The following DSCAM variants were observed in gnomAD, a reference collection of about 807,000 sequenced individuals.
DSCAM encodes DS cell adhesion molecule.
DSCAM carries 47 observed loss-of-function variants against 217.7 expected under a neutral mutation model. The observed-to-expected ratio is 0.22, with a 90% CI of 0.17 to 0.28. The LOEUF is 0.28. DSCAM is among the 10% of genes least tolerant of loss of function. DSCAM has a pLI of 1.00. For missense variants in DSCAM, 2,080 were observed against 2,618.3 expected (o/e 0.79, Z 4.49); for synonymous variants, 1,056 against 1,015.3 (o/e 1.04, Z -0.76).
At chr21:40,025,391 G>A (rs1211514884) in intron 32 of DSCAM, among the ~76,000 whole-genome samples, 3 of 143,838 alleles carry the variant, frequency 2.1e-5, no homozygotes, top group Non-Finnish European at 4.5e-5. Flanking sequence ...CTCATAAAAT[G>A]AGTTAGGGAG....
chr21:40,553,303 C>T (rs911977687), intron 3 of DSCAM, among the ~76,000 whole-genome samples: 3 of 152,248 alleles, frequency 2.0e-5, no homozygotes, highest in African/African-American at 7.2e-5. Context: ...TATGTAGTAT[C>T]TGAGGATCAA....
intron 8 of DSCAM, among the ~76,000 whole-genome samples, chr21:40,317,216 C>T (rs918847506): frequency 2.0e-5 from 3 of 152,178 alleles, no homozygotes; most frequent in Non-Finnish European, 4.4e-5. Flanking sequence ...GATCTCCTCA[C>T]CCATAAGTCT....
In DSCAM at chr21:40,027,190, T is replaced by C. The variant is rs1469073191; in HGVS notation, c.5687-13804A>G. 5.2e-5 allele frequency among the ~76,000 whole-genome samples: 8 copies of C among 152,424 alleles called. No individual in the cohort carries two copies. In the East Asian group the frequency reaches 1.2e-3, roughly 22 times the overall value. ...GGTTGAAAATTCTTTTCTTTAAGAATGTTGAATATTGGCCCCCACTCTCTT... is the reference window on the plus strand; with the variant it reads ...GGTTGAAAATTCTTTTCTTTAAGAACGTTGAATATTGGCCCCCACTCTCTT... On this transcript the variant is annotated intron_variant, in intron 32 of 32. Coordinates refer to ENST00000400454, the MANE Select transcript of DSCAM (RefSeq NM_001389.5).
intron 20 of DSCAM, among the ~76,000 whole-genome samples, chr21:40,097,802 G>T (rs112931946): frequency 8.6e-5 from 13 of 151,764 alleles, no homozygotes; most frequent in African/African-American, 3.1e-4. Flanking sequence ...TTAGCCGGGC[G>T]TAGTGGTGGG....
intron 3 of DSCAM, among the ~76,000 whole-genome samples, chr21:40,598,962 A>G (rs1314833578): frequency 4.6e-5 from 7 of 152,302 alleles, no homozygotes; most frequent in Middle Eastern, 6.8e-3. Flanking sequence ...AATGCTGATC[A>G]TCTTTTCATA....
intron 3 of DSCAM, among the ~76,000 whole-genome samples, chr21:40,432,910 C>G (rs1047590186): frequency 2.6e-5 from 4 of 152,150 alleles, no homozygotes; most frequent in Non-Finnish European, 5.9e-5. Flanking sequence ...AACCTACTCT[C>G]TTAACCAGGT....
chr21:40,596,419 C>T (rs189165294), intron 3 of DSCAM, among the ~76,000 whole-genome samples: 1 of 152,220 alleles, frequency 6.6e-6, no homozygotes, highest in East Asian at 1.9e-4. Flanking sequence ...GACTCAGAGG[C>T]CCTCAATGGC....
chr21:40,509,740 G>A (rs1168744577), intron 3 of DSCAM, among the ~76,000 whole-genome samples: 1 of 152,194 alleles, frequency 6.6e-6, no homozygotes, highest in Non-Finnish European at 1.5e-5. Context: ...ATCCTACTCT[G>A]TGAAGTTATA....
intron 3 of DSCAM, among the ~76,000 whole-genome samples, chr21:40,674,163 G>C (rs741910): frequency 0.47 from 71,754 of 151,886 alleles, 17,348 homozygotes; most frequent in East Asian, 0.59. Context: ...TTTGAGAAAT[G>C]TTGGTCAAAA....
intron 3 of DSCAM, among the ~76,000 whole-genome samples, chr21:40,376,432 CTA>C (rs1569092653): frequency 7.3e-6 from 1 of 136,252 alleles, no homozygotes; most frequent in Non-Finnish European, 1.6e-5. Context: ...ATATAGATAT[CTA>C]TATATCTTAT....
intron 19 of DSCAM, among the ~76,000 whole-genome samples, chr21:40,129,478 A>T (rs954840509): frequency 6.6e-6 from 1 of 152,174 alleles, no homozygotes; most frequent in Non-Finnish European, 1.5e-5. Context: ...GGGGTCAGGG[A>T]GAGAATGGAG....
chr21:40,098,311 A>C (rs2089708494), intron 20 of DSCAM, among the ~76,000 whole-genome samples: 1 of 152,220 alleles, frequency 6.6e-6, no homozygotes. Flanking sequence ...TTATTACATG[A>C]AACAAAACTA....
chr21:40,545,361 G>A (rs981688515), intron 3 of DSCAM, among the ~76,000 whole-genome samples: 19 of 152,270 alleles, frequency 1.2e-4, no homozygotes, highest in Middle Eastern at 3.4e-3. Context: ...CACAAATCAG[G>A]GAAATCATTT....
intron 3 of DSCAM, among the ~76,000 whole-genome samples, chr21:40,674,228 A>G (rs2090310539): frequency 6.6e-6 from 1 of 152,194 alleles, no homozygotes; most frequent in South Asian, 2.1e-4. Flanking sequence ...ATGATTCACT[A>G]GTCTTAAAGG....
intron 3 of DSCAM, among the ~76,000 whole-genome samples, chr21:40,465,585 G>A (rs1472434608): frequency 1.3e-5 from 2 of 152,146 alleles, no homozygotes; most frequent in African/African-American, 4.8e-5. Flanking sequence ...CAGGCCACCC[G>A]CGGCCCAGGA....
chr21:40,071,054 G>A (rs576871527), intron 27 of DSCAM, among the ~76,000 whole-genome samples: 1 of 152,308 alleles, frequency 6.6e-6, no homozygotes, highest in Non-Finnish European at 1.5e-5. Flanking sequence ...ACAGAAGCTT[G>A]TGCCTTCTTG....
intron 11 of DSCAM, among the ~76,000 whole-genome samples, chr21:40,193,198 G>A (rs2079642470): frequency 6.6e-6 from 1 of 152,162 alleles, no homozygotes; most frequent in South Asian, 2.1e-4. Flanking sequence ...GAGATTGGGT[G>A]CACCTATAAA....
At chr21:40,198,373 A>T (rs757185754) in intron 11 of DSCAM, among the ~76,000 whole-genome samples, 1 of 151,698 alleles carries the variant, frequency 6.6e-6, no homozygotes, top group Non-Finnish European at 1.5e-5. Context: ...ACCCTCCCTA[A>T]CTCCCAGTAA....
intron 14 of DSCAM, among the ~76,000 whole-genome samples, chr21:40,183,865 G>C (rs1277041368): frequency 6.6e-6 from 1 of 152,158 alleles, no homozygotes. Context: ...CTTTTGGGGG[G>C]ATAATTTCAC....
Sources: allele counts gnomAD v4.1 joint callset (sites outside exome capture counted in the v4.1 genomes callset), GRCh38; gene constraint gnomAD v4.1.1; transcripts MANE v1.5; gene names NCBI Gene and HGNC (gene_info 2026-07-23, HGNC 2026-07-21).